Variants in MIR2052HG observed in about 807,000 individuals in gnomAD.
The protein encoded by MIR2052HG is MIR2052 host gene.
At chr8:74,660,900 G>C (rs753868902) in intron 2 of MIR2052HG, among the ~76,000 whole-genome samples, 14 of 152,030 alleles carry the variant, frequency 9.2e-5, no homozygotes, top group Non-Finnish European at 1.9e-4. Flanking sequence ...GGAAATTGGA[G>C]GAGATCCGAT....
At chr8:74,698,063 A>G (rs1402391898) in intron 2 of MIR2052HG, among the ~76,000 whole-genome samples, 1 of 152,202 alleles carries the variant, frequency 6.6e-6, no homozygotes, top group African/African-American at 2.4e-5. Context: ...AAACTAAGCA[A>G]AAAGAACAAA....
At chr8:74,650,701 G>A (rs1586903564) in intron 2 of MIR2052HG, among the ~76,000 whole-genome samples, 1 of 152,224 alleles carries the variant, frequency 6.6e-6, no homozygotes, top group South Asian at 2.1e-4. Context: ...CTCATCAATA[G>A]TACCTGTTGG....
chr8:74,708,151 C>A (rs898697447), intron 4 of MIR2052HG, among the ~76,000 whole-genome samples: 1 of 152,112 alleles, frequency 6.6e-6, no homozygotes, highest in African/African-American at 2.4e-5. Context: ...TATGAAGAGA[C>A]CCCGTGATCT....
chr8:74,720,381 GT>G (rs1460562000), intron 4 of MIR2052HG, among the ~76,000 whole-genome samples: 1 of 152,092 alleles, frequency 6.6e-6, no homozygotes, highest in Non-Finnish European at 1.5e-5. Context: ...CTTTGTTGAA[GT>G]GGTAAATATG....
At chr8:74,618,658 G>A (rs772944846) in intron 2 of MIR2052HG, among the ~76,000 whole-genome samples, 51 of 152,102 alleles carry the variant, frequency 3.4e-4, no homozygotes, top group Non-Finnish European at 5.7e-4. Context: ...CAAAATAAAA[G>A]TTGTATATGA....
chr8:74,634,836 C>T (rs1173454183), intron 2 of MIR2052HG, among the ~76,000 whole-genome samples: 5 of 152,030 alleles, frequency 3.3e-5, no homozygotes, highest in African/African-American at 4.8e-5. Context: ...GCTAGTCATG[C>T]TAGATTCACT....
chr8:74,658,525 G>A (rs1808830227), intron 2 of MIR2052HG, among the ~76,000 whole-genome samples: 2 of 151,986 alleles, frequency 1.3e-5, no homozygotes, highest in South Asian at 4.2e-4. Context: ...AGAGTAGCTG[G>A]GATGTGCCCA....
intron 4 of MIR2052HG, among the ~76,000 whole-genome samples, chr8:74,724,333 C>T (rs1809612532): frequency 6.6e-6 from 1 of 152,034 alleles, no homozygotes; most frequent in African/African-American, 2.4e-5. Flanking sequence ...CAGCACAGAC[C>T]ATCCAGAAGG....
chr8:74,666,860 G>C (rs1370383915), intron 2 of MIR2052HG, among the ~76,000 whole-genome samples: 1 of 152,154 alleles, frequency 6.6e-6, no homozygotes, highest in Non-Finnish European at 1.5e-5. Context: ...GGGCTCTGCA[G>C]ACCAGTTCTG....
intron 2 of MIR2052HG, among the ~76,000 whole-genome samples, chr8:74,641,150 T>G (rs2588298): frequency 0.69 from 104,543 of 152,088 alleles, 37,352 homozygotes; most frequent in African/African-American, 0.89. Context: ...TTACATTCAT[T>G]AATTATTGAA....
chr8:74,706,824 T>G (rs966857202), intron 4 of MIR2052HG, among the ~76,000 whole-genome samples: 1 of 152,086 alleles, frequency 6.6e-6, no homozygotes, highest in African/African-American at 2.4e-5. Flanking sequence ...AAAATTTTTT[T>G]TCACAAGCTT....
intron 4 of MIR2052HG, among the ~76,000 whole-genome samples, chr8:74,738,263 A>G (rs1232903642): frequency 6.6e-6 from 1 of 151,952 alleles, no homozygotes; most frequent in Non-Finnish European, 1.5e-5. Context: ...TCTTTCCACC[A>G]ACTCCTCTCT....
At chr8:74,704,409 A>G (rs1809387856) in intron 4 of MIR2052HG, among the ~76,000 whole-genome samples, 1 of 152,024 alleles carries the variant, frequency 6.6e-6, no homozygotes. Context: ...TCCAGGCACT[A>G]ACTACAGAGA....
chr8:74,696,163 AAAGG>A, intron 2 of MIR2052HG, among the ~76,000 whole-genome samples: 1 of 152,198 alleles, frequency 6.6e-6, no homozygotes, highest in African/African-American at 2.4e-5. Context: ...ATCAACTCCA[AAAGG>A]AACCCTCAAA....
chr8:74,603,416 C>T, intron 1 of MIR2052HG: 3 of 1,609,620 alleles, frequency 1.9e-6, no homozygotes, highest in Non-Finnish European at 2.6e-6. Context: ...ACTGGGTTCG[C>T]AATTTTGATC....
At chr8:74,694,547 A>G (rs958524867) in intron 2 of MIR2052HG, among the ~76,000 whole-genome samples, 6 of 152,240 alleles carry the variant, frequency 3.9e-5, no homozygotes, top group Non-Finnish European at 8.8e-5. Flanking sequence ...CAGAAGGTTG[A>G]TTATTAAACT....
intron 1 of MIR2052HG, among the ~76,000 whole-genome samples, chr8:74,606,920 T>A (rs575573456): frequency 1.3e-5 from 2 of 150,714 alleles, no homozygotes; most frequent in South Asian, 4.2e-4. Flanking sequence ...GCAGATAAAA[T>A]GAAATAATAA....
chr8:74,629,314 C>A (rs1417039886), intron 2 of MIR2052HG, among the ~76,000 whole-genome samples: 6 of 151,872 alleles, frequency 4.0e-5, no homozygotes, highest in Non-Finnish European at 1.5e-5. Context: ...TGAAGCCAAA[C>A]GTTAAGAGCC....
chr8:74,606,201 C>T (rs1014336205), intron 1 of MIR2052HG, among the ~76,000 whole-genome samples: 1 of 152,174 alleles, frequency 6.6e-6, no homozygotes, highest in African/African-American at 2.4e-5. Context: ...TTCCTGGGAA[C>T]TGTGGATATA....
Sources: allele counts gnomAD v4.1 joint callset (sites outside exome capture counted in the v4.1 genomes callset), GRCh38; gene constraint gnomAD v4.1.1; transcripts MANE v1.5; gene names NCBI Gene and HGNC (gene_info 2026-07-23, HGNC 2026-07-21).